Variants in EIF4G3 observed in about 807,000 individuals in gnomAD.
EIF4G3 encodes eIF-4-gamma 3.
Under a neutral mutation model 186.4 loss-of-function variants are expected in EIF4G3, and 34 were observed. That is an observed-to-expected ratio of 0.18 (90% CI 0.14 to 0.24). The LOEUF (loss-of-function observed/expected upper bound fraction) is 0.24. EIF4G3 is among the 10% of genes least tolerant of loss of function. The pLI is 1.00. For missense variants in EIF4G3, 1,536 were observed against 1,948.5 expected, an observed-to-expected ratio of 0.79 and a Z score of 3.99; for synonymous variants, 673 against 679.5, an observed-to-expected ratio of 0.99 and a Z score of 0.15.
chr1:20,939,660 G>A (rs1172979684), intron 14 of EIF4G3, among the ~76,000 whole-genome samples: 1 of 151,900 alleles, frequency 6.6e-6, no homozygotes, highest in Non-Finnish European at 1.5e-5. Context: ...TCCTATGATT[G>A]TTTTGTTTTT....
chr1:21,116,180 TCA>T (rs1305905145), intron 2 of EIF4G3, among the ~76,000 whole-genome samples: 1 of 152,220 alleles, frequency 6.6e-6, no homozygotes, highest in Non-Finnish European at 1.5e-5. Context: ...AGAAAATTTC[TCA>T]GACTTCAATC....
At chr1:21,128,998 G>C (rs1354976695) in intron 2 of EIF4G3, among the ~76,000 whole-genome samples, 1 of 152,134 alleles carries the variant, frequency 6.6e-6, no homozygotes, top group African/African-American at 2.4e-5. Flanking sequence ...CAGACCATGA[G>C]AGAAAGAGAT....
intron 3 of EIF4G3, among the ~76,000 whole-genome samples, chr1:21,067,657 T>C (rs553396748): frequency 6.6e-6 from 1 of 152,146 alleles, no homozygotes; most frequent in Non-Finnish European, 1.5e-5. Flanking sequence ...GAAGGGTAAA[T>C]AAAATCTTAA....
intron 3 of EIF4G3, among the ~76,000 whole-genome samples, chr1:21,058,756 A>G (rs574401602): frequency 1.9e-5 from 2 of 103,516 alleles, no homozygotes; most frequent in Admixed American, 1.3e-4. Flanking sequence ...TTTTGTAGAG[A>G]CAAGTTCTCA....
At chr1:21,055,454 T>C (rs1168747796) in intron 3 of EIF4G3, among the ~76,000 whole-genome samples, 5 of 152,096 alleles carry the variant, frequency 3.3e-5, no homozygotes, top group Non-Finnish European at 7.4e-5. Context: ...TTAAAATACA[T>C]TGTATGTTTA....
Position 21,148,063 on chromosome 1 carries a change from A to G in EIF4G3, c.-272+28112T>C, listed in dbSNP as rs1558184754. On this transcript the variant is annotated intron_variant, in intron 2 of 36. Transcript: ENST00000602326. The stretch of plus-strand genomic sequence containing the variant: ...AGCATTATGCACAAAGATGGTTTCC[A>G]GCATGGCTTTTTTTCTTTTCAAGAG... 2.6e-5 allele frequency among the ~76,000 whole-genome samples: 4 copies of G among 152,190 alleles called. No homozygotes were observed. The South Asian group carries it at 8.3e-4, about 31-fold the overall frequency.
chr1:20,821,582 C>T (rs2062362155), intron 33 of EIF4G3, among the ~76,000 whole-genome samples: 1 of 150,676 alleles, frequency 6.6e-6, no homozygotes, highest in Non-Finnish European at 1.5e-5. Flanking sequence ...ATTATGTATA[C>T]ATCACCATCT....
intron 2 of EIF4G3, among the ~76,000 whole-genome samples, chr1:21,124,559 A>G (rs1012226835): frequency 2.6e-5 from 4 of 152,222 alleles, no homozygotes; most frequent in Admixed American, 6.5e-5. Flanking sequence ...GAATAGTCAG[A>G]AGCCTTCATG....
intron 4 of EIF4G3, among the ~76,000 whole-genome samples, chr1:21,034,153 T>TG (rs2092986253): frequency 6.6e-6 from 1 of 152,208 alleles, no homozygotes; most frequent in South Asian, 2.1e-4. Flanking sequence ...GGGCTGTACT[T>TG]GAGGACTCTT....
intron 2 of EIF4G3, among the ~76,000 whole-genome samples, chr1:21,144,444 A>G (rs2097399842): frequency 6.7e-6 from 1 of 149,604 alleles, no homozygotes; most frequent in Non-Finnish European, 1.5e-5. Flanking sequence ...TTTCGTAGAG[A>G]TGGGGTCTCG....
In EIF4G3 at chr1:21,109,006, CAA is replaced by C. The variant is rs538703848; in HGVS notation, c.-271-19795_-271-19794del. 1.0e-3 allele frequency among the ~76,000 whole-genome samples: 152 copies of C among 151,086 alleles called. 2 individuals carry two copies. The highest frequency in any genetic ancestry group is 3.4e-3 in the African/African-American group (141 of 41,096). ...GATGAGGCGGGTGGATCGCATGAGGCAAAGAGTTTGAGGCCAGTTTGGCCAAC... is the reference window on the plus strand; with the variant it reads ...GATGAGGCGGGTGGATCGCATGAGGCAGAGTTTGAGGCCAGTTTGGCCAAC... On this transcript the variant is annotated intron_variant, in intron 2 of 36. Coordinates refer to ENST00000602326, the MANE Select transcript of EIF4G3 (RefSeq NM_001391906.1).
chr1:21,159,198 C>T (rs2097715029), intron 2 of EIF4G3, among the ~76,000 whole-genome samples: 2 of 151,906 alleles, frequency 1.3e-5, no homozygotes, highest in African/African-American at 2.4e-5. Context: ...TTTGGGAGGC[C>T]GAGGCAGGAG....
At chr1:21,030,616 C>A (rs944372585) in intron 4 of EIF4G3, among the ~76,000 whole-genome samples, 1 of 151,938 alleles carries the variant, frequency 6.6e-6, no homozygotes, top group Admixed American at 6.6e-5. Context: ...GGCCAGTGCT[C>A]GTAACAAAAA....
intron 2 of EIF4G3, among the ~76,000 whole-genome samples, chr1:21,147,902 A>C (rs1462430140): frequency 1.3e-5 from 2 of 152,174 alleles, no homozygotes; most frequent in South Asian, 2.1e-4. Context: ...ACAATTTAAA[A>C]ATGTAGCAGG....
At chr1:20,830,858 T>C (rs2064963814) in intron 30 of EIF4G3, among the ~76,000 whole-genome samples, 1 of 149,466 alleles carries the variant, frequency 6.7e-6, no homozygotes, top group South Asian at 2.1e-4. Flanking sequence ...AAGAAGCTTA[T>C]TTTTTTTTCA....
intron 7 of EIF4G3, among the ~76,000 whole-genome samples, chr1:20,991,285 G>A (rs767633012): frequency 2.0e-5 from 3 of 152,206 alleles, no homozygotes; most frequent in South Asian, 2.1e-4. Flanking sequence ...ATTCAGTTCC[G>A]GGTCAAGCAC....
chr1:20,870,898 A>G (rs897632653), intron 20 of EIF4G3, among the ~76,000 whole-genome samples: 8 of 152,204 alleles, frequency 5.3e-5, no homozygotes, highest in Non-Finnish European at 8.8e-5. Flanking sequence ...GATTCCCTCA[A>G]GCCTTGTATG....
intron 3 of EIF4G3, among the ~76,000 whole-genome samples, chr1:21,061,601 AG>A (rs2154578542): frequency 6.6e-6 from 1 of 152,324 alleles, no homozygotes; most frequent in South Asian, 2.1e-4. Context: ...CAGATGAAAA[AG>A]TCTGAAACTT....
chr1:21,006,565 T>C (rs1279535819), intron 4 of EIF4G3, among the ~76,000 whole-genome samples: 1 of 152,238 alleles, frequency 6.6e-6, no homozygotes, highest in Non-Finnish European at 1.5e-5. Context: ...ATGCTTTTTA[T>C]TTGTTGGGGA....
Sources: allele counts gnomAD v4.1 joint callset (sites outside exome capture counted in the v4.1 genomes callset), GRCh38; gene constraint gnomAD v4.1.1; transcripts MANE v1.5; gene names NCBI Gene and HGNC (gene_info 2026-07-23, HGNC 2026-07-21).